The following PCLO variants were observed in gnomAD, a reference collection of about 807,000 sequenced individuals.
The protein encoded by PCLO is piccolo presynaptic cytomatrix protein, also known as protein piccolo.
PCLO carries 82 observed loss-of-function variants against 427.5 expected under a neutral mutation model. The ratio of observed to expected loss-of-function variants is 0.19; its 90% CI spans 0.16 to 0.23. The LOEUF is 0.23. PCLO is among the 10% of genes least tolerant of loss of function. The pLI, the probability that PCLO is intolerant of heterozygous loss-of-function variation, is 1.00. For synonymous variants in PCLO, 2,357 were observed against 2,155.4 expected (o/e 1.09, Z -2.59); for missense variants, 6,239 against 6,115.9 (o/e 1.02, Z -0.67).
intron 3 of PCLO, among the ~76,000 whole-genome samples, chr7:83,132,059 T>C (rs1584065958): frequency 6.6e-6 from 1 of 152,184 alleles, no homozygotes; most frequent in African/African-American, 2.4e-5. Flanking sequence ...CAAAGTCCTA[T>C]GGAGTAATGA....
At chr7:82,783,555 G>C (rs570345505) in intron 22 of PCLO, among the ~76,000 whole-genome samples, 25 of 152,246 alleles carry the variant, frequency 1.6e-4, no homozygotes, top group African/African-American at 6.0e-4. Flanking sequence ...CCGGGAGGCG[G>C]AGCTTGCAGT....
intron 10 of PCLO, among the ~76,000 whole-genome samples, chr7:82,850,692 C>A (rs1792630231): frequency 6.6e-6 from 1 of 152,108 alleles, no homozygotes; most frequent in Admixed American, 6.6e-5. Context: ...ACAAAAGCTC[C>A]TGACGTCTGT....
At chr7:82,799,579 C>T (rs1171402525) in intron 22 of PCLO, among the ~76,000 whole-genome samples, 1 of 152,146 alleles carries the variant, frequency 6.6e-6, no homozygotes, top group Non-Finnish European at 1.5e-5. Context: ...ATTCTTCGGT[C>T]TCTTCCTTCC....
At chr7:83,022,299 A>G (rs1178813353) in intron 3 of PCLO, among the ~76,000 whole-genome samples, 1 of 152,226 alleles carries the variant, frequency 6.6e-6, no homozygotes, top group Non-Finnish European at 1.5e-5. Context: ...TTTGTTGTTT[A>G]TAAATTACCC....
chr7:82,973,457 T>C (rs1583859404), intron 3 of PCLO, among the ~76,000 whole-genome samples: 2 of 152,116 alleles, frequency 1.3e-5, no homozygotes, highest in Admixed American at 1.3e-4. Flanking sequence ...TGTTGAGAAA[T>C]AAAAATAGTC....
At chr7:82,989,621 C>T (rs747688559) in intron 3 of PCLO, among the ~76,000 whole-genome samples, 2 of 151,868 alleles carry the variant, frequency 1.3e-5, no homozygotes, top group Non-Finnish European at 2.9e-5. Flanking sequence ...TGTATTTATT[C>T]TCATAATATG....
In PCLO at chr7:82,924,488, A is replaced by T. The variant is rs553691733; in HGVS notation, c.11113-7615T>A. 7.2e-5 allele frequency among the ~76,000 whole-genome samples: 11 copies of T among 152,278 alleles called. No homozygotes were observed. In the South Asian group the frequency reaches 2.1e-3, roughly 29 times the overall value. On this transcript the variant is annotated intron_variant, in intron 6 of 24. Coordinates refer to ENST00000333891, the MANE Select transcript of PCLO (RefSeq NM_033026.6). ...CAACAATGAGCATACTCAGTGAAGA[A>T]GATGAATCCTTCTAGCTTAACCCTA...
chr7:83,021,630 C>T (rs576819470), intron 3 of PCLO, among the ~76,000 whole-genome samples: 56 of 152,014 alleles, frequency 3.7e-4, no homozygotes, highest in Non-Finnish European at 7.5e-4. Context: ...GATATAATTA[C>T]CAGCATATAG....
chr7:82,904,146 C>G (rs912972295), intron 8 of PCLO, among the ~76,000 whole-genome samples: 4 of 151,994 alleles, frequency 2.6e-5, no homozygotes, highest in Admixed American at 2.6e-4. Flanking sequence ...TATAATAAGT[C>G]AATTCAGATA....
At chr7:83,029,135 G>A (rs1583928506) in intron 3 of PCLO, among the ~76,000 whole-genome samples, 1 of 150,632 alleles carries the variant, frequency 6.6e-6, no homozygotes. Context: ...AAGAGCTTCT[G>A]CACAGCAAAA....
chr7:82,943,350 G>C (rs1451351750), intron 6 of PCLO, among the ~76,000 whole-genome samples: 1 of 152,066 alleles, frequency 6.6e-6, no homozygotes, highest in Non-Finnish European at 1.5e-5. Context: ...GTACTTTTAA[G>C]GCCACAGAGA....
intron 3 of PCLO, among the ~76,000 whole-genome samples, chr7:83,056,748 T>C (rs1391134544): frequency 6.6e-6 from 1 of 152,172 alleles, no homozygotes; most frequent in African/African-American, 2.4e-5. Context: ...AGCTTCATTT[T>C]ACAAAGTTGA....
chr7:83,035,878 C>T (rs1788781713), intron 3 of PCLO, among the ~76,000 whole-genome samples: 1 of 152,084 alleles, frequency 6.6e-6, no homozygotes, highest in Admixed American at 6.6e-5. Flanking sequence ...CAAGGTTAGC[C>T]CCGTTTTTAT....
chr7:82,906,547 A>T (rs1365168868), intron 8 of PCLO, among the ~76,000 whole-genome samples: 4 of 152,106 alleles, frequency 2.6e-5, no homozygotes, highest in Non-Finnish European at 5.9e-5. Context: ...AACTTCATGT[A>T]AATAAATGTA....
chr7:82,831,564 G>C (rs745848733), intron 16 of PCLO, among the ~76,000 whole-genome samples: 1 of 152,052 alleles, frequency 6.6e-6, no homozygotes, highest in Non-Finnish European at 1.5e-5. Context: ...TGAGTGTTGT[G>C]GAACAATTAC....
At chr7:82,916,973 G>T in intron 6 of PCLO, 100 bp from the exon 7 acceptor site, 3 of 806,856 alleles carry the variant, frequency 3.7e-6, no homozygotes, top group Non-Finnish European at 5.6e-6. Flanking sequence ...TTTCATGTAT[G>T]ATTTTGCTAT....
chr7:83,055,428 AAG>A (rs1450734133), intron 3 of PCLO, among the ~76,000 whole-genome samples: 1 of 152,158 alleles, frequency 6.6e-6, no homozygotes, highest in African/African-American at 2.4e-5. Context: ...GAGCCTTATG[AAG>A]ACTCTATTTT....
chr7:82,832,091 A>G (rs1414166946), intron 16 of PCLO, among the ~76,000 whole-genome samples: 1 of 152,168 alleles, frequency 6.6e-6, no homozygotes, highest in Non-Finnish European at 1.5e-5. Context: ...TGGGAAGATT[A>G]CATTAATGAT....
At chr7:83,042,451 T>G (rs1788995210) in intron 3 of PCLO, among the ~76,000 whole-genome samples, 1 of 152,168 alleles carries the variant, frequency 6.6e-6, no homozygotes, top group Non-Finnish European at 1.5e-5. Flanking sequence ...AATGAAAAAG[T>G]ATAAATAAAT....
Sources: gnomAD v4.1 joint callset for allele counts (sites outside exome capture counted in the v4.1 genomes callset) on GRCh38, gnomAD v4.1.1 for gene constraint, MANE v1.5 for transcripts, NCBI Gene and HGNC (gene_info 2026-07-23, HGNC 2026-07-21) for gene names.